C1QTNF9: variants seen among roughly 807,000 people sequenced by gnomAD.
The protein encoded by C1QTNF9 is C1q and TNF related 9.
Under a neutral mutation model 10.1 loss-of-function variants are expected in C1QTNF9, and 6 were observed. The observed-to-expected ratio is 0.59, with a 90% CI of 0.32 to 1.17. The LOEUF (loss-of-function observed/expected upper bound fraction) is 1.17, where lower values mean the gene tolerates loss of function less well. Among genes scored for constraint, C1QTNF9 ranks in the 50% most tolerant of loss-of-function variants. C1QTNF9 has a pLI of 0.04. For synonymous variants in C1QTNF9, 98 were observed against 163.5 expected, an observed-to-expected ratio of 0.60 and a Z score of 3.06; for missense variants, 201 against 418.8, an observed-to-expected ratio of 0.48 and a Z score of 4.54.
intron 2 of C1QTNF9, among the ~76,000 whole-genome samples, chr13:24,318,430 CAG>C (rs1269158324): frequency 2.0e-5 from 3 of 152,162 alleles, no homozygotes; most frequent in Non-Finnish European, 4.4e-5. Flanking sequence ...GGAAGAGAAA[CAG>C]AGTGAGGAAA....
chr13:24,310,693 C>A (rs962866789), intron 1 of C1QTNF9, among the ~76,000 whole-genome samples: 3 of 151,100 alleles, frequency 2.0e-5, no homozygotes, highest in Non-Finnish European at 4.4e-5. Context: ...GCGGGTGGAT[C>A]ATGAGGTCAG....
At chr13:24,322,297 T>C (rs1396300350) in exon 4 of C1QTNF9, 3 of 152,798 alleles carry the variant, frequency 2.0e-5, no homozygotes, top group East Asian at 3.8e-4. Flanking sequence ...TAGGTAAACA[T>C]GTGCTGTGGT....
At position 24,316,483 on chromosome 13, in the gene C1QTNF9, G is replaced by A. The variant is rs140705260; in HGVS notation, c.166+314G>A. 1.3e-3 allele frequency among the ~76,000 whole-genome samples: 198 copies of A among 152,280 alleles called. 4 individuals carry two copies. In the South Asian group the frequency reaches 0.016, roughly 12 times the overall value. On this transcript the variant is annotated intron_variant, in intron 2 of 3. Transcript: ENST00000332018. Reference sequence around the variant, plus strand: ...CCGCAGAACATTTTCAGTAGTATACGATGTCATGGATCCTCCCATCTCAGG... The same window carrying A: ...CCGCAGAACATTTTCAGTAGTATACAATGTCATGGATCCTCCCATCTCAGG...
At chr13:24,310,695 T>G (rs1197973490) in intron 1 of C1QTNF9, among the ~76,000 whole-genome samples, 3 of 150,846 alleles carry the variant, frequency 2.0e-5, no homozygotes, top group Non-Finnish European at 4.4e-5. Flanking sequence ...GGGTGGATCA[T>G]GAGGTCAGGA....
At chr13:24,316,106 G>A (rs777952993) in exon 2 of C1QTNF9, 50 of 1,612,788 alleles carry the variant, frequency 3.1e-5, no homozygotes, top group African/African-American at 5.4e-5. Flanking sequence ...TGGGAACCCC[G>A]GTCACAATGG....
At chr13:24,313,444 A>C (rs1008165554) in intron 1 of C1QTNF9, among the ~76,000 whole-genome samples, 8 of 152,196 alleles carry the variant, frequency 5.3e-5, no homozygotes, top group African/African-American at 1.7e-4. Flanking sequence ...TAGAACCCTC[A>C]ACAAAGTTTG....
exon 4 of C1QTNF9, chr13:24,321,953 A>G (rs774307272): frequency 1.1e-4 from 74 of 690,624 alleles, no homozygotes; most frequent in Non-Finnish European, 1.4e-4. Flanking sequence ...AAATATTTAA[A>G]ATAGCTGCAT....
Position 24,316,112 on chromosome 13 carries a change from A to G in C1QTNF9, c.109A>G (p.Asn37Asp), listed in dbSNP as rs1352394892. The G allele has an allele frequency of 3.1e-6, 5 of 1,613,030 alleles. No homozygotes were observed. The South Asian group carries it at 3.3e-5, about 11-fold the overall frequency. Reference sequence around the variant, plus strand: ...TGGAATCCCTGGGAACCCCGGTCACAATGGTCTGCCTGGAAGAGATGGACG... The same window carrying G: ...TGGAATCCCTGGGAACCCCGGTCACGATGGTCTGCCTGGAAGAGATGGACG... Residue 37 changes from asparagine (N) to aspartate (D), a missense_variant, in exon 2 of 4, where the codon AAT (asparagine) becomes GAT (aspartate). Physicochemically the swap from Asn to Asp is conservative, Grantham distance 23 (BLOSUM62 1). This residue lies in a region of C1QTNF9 where 53 missense variants were observed against 81.6 expected (regional missense o/e 0.65). Transcript: ENST00000332018.
intron 2 of C1QTNF9, among the ~76,000 whole-genome samples, chr13:24,318,443 C>G (rs939622195): frequency 2.0e-5 from 3 of 152,276 alleles, no homozygotes; most frequent in Non-Finnish European, 4.4e-5. Context: ...AGTGAGGAAA[C>G]CTCCTGGCAC....
chr13:24,313,021 T>C (rs1425476392), intron 1 of C1QTNF9, among the ~76,000 whole-genome samples: 2 of 151,370 alleles, frequency 1.3e-5, no homozygotes, highest in Non-Finnish European at 2.9e-5. Context: ...TAATCCCAGC[T>C]ATTCAGAAGG....
intron 3 of C1QTNF9, 134 bp downstream of exon 3, chr13:24,319,014 A>G (rs1240302965): frequency 2.4e-6 from 3 of 1,263,018 alleles, no homozygotes; most frequent in Non-Finnish European, 3.4e-6. Context: ...AGACGGGGGG[A>G]TTCTGCAGGG....
intron 1 of C1QTNF9, among the ~76,000 whole-genome samples, chr13:24,312,675 G>A (rs1246409546): frequency 3.3e-5 from 5 of 151,906 alleles, no homozygotes; most frequent in South Asian, 2.1e-4. Context: ...AGTGCCAAGC[G>A]GCCGTGTGCA....
intron 1 of C1QTNF9, among the ~76,000 whole-genome samples, chr13:24,311,367 A>G (rs1310493417): frequency 6.6e-6 from 1 of 152,218 alleles, no homozygotes; most frequent in African/African-American, 2.4e-5. Flanking sequence ...AAAAACATTA[A>G]CTTCAAAGTT....
intron 1 of C1QTNF9, among the ~76,000 whole-genome samples, chr13:24,310,864 A>G (rs1360080691): frequency 6.7e-6 from 1 of 148,366 alleles, no homozygotes. Context: ...GTGAGCCGAG[A>G]TCGCGCCACT....
At chr13:24,307,629 T>A (rs74040673), upstream of C1QTNF9, among the ~76,000 whole-genome samples, 3 of 152,168 alleles carry the variant, frequency 2.0e-5, no homozygotes, top group African/African-American at 7.2e-5. Flanking sequence ...GATCTGCTCC[T>A]CCCAACCTTG....
At chr13:24,310,995 G>A (rs9580934) in intron 1 of C1QTNF9, among the ~76,000 whole-genome samples, 22,033 of 151,306 alleles carry the variant, frequency 0.15, 1,823 homozygotes, top group Middle Eastern at 0.25. Flanking sequence ...CAATATATTC[G>A]ATGAAGGCAG....
chr13:24,317,283 GTA>G (rs1491042184), intron 2 of C1QTNF9, among the ~76,000 whole-genome samples: 3 of 142,682 alleles, frequency 2.1e-5, no homozygotes, highest in Non-Finnish European at 4.7e-5. Context: ...GTGTGTGTGT[GTA>G]TTGTATTTCT....
intron 1 of C1QTNF9, chr13:24,315,728 C>T: frequency 1.9e-6 from 1 of 525,274 alleles, no homozygotes; most frequent in Non-Finnish European, 3.4e-6. Flanking sequence ...AGTATCCTGA[C>T]CTTAAACTTG....
intron 3 of C1QTNF9, among the ~76,000 whole-genome samples, chr13:24,319,592 A>C (rs1878170983): frequency 1.3e-5 from 2 of 152,126 alleles, no homozygotes. Flanking sequence ...ACAAAAAAAC[A>C]TGTAAACCAT....
Sources: gnomAD v4.1 joint callset for allele counts (sites outside exome capture counted in the v4.1 genomes callset) on GRCh38, gnomAD v4.1.1 for gene constraint, gnomAD v4.1.1 regional missense constraint, MANE v1.5 for transcripts, NCBI Gene and HGNC (gene_info 2026-07-23, HGNC 2026-07-21) for gene names.